The following CNTNAP2 variants were observed in gnomAD, a reference collection of about 807,000 sequenced individuals.
The protein encoded by CNTNAP2 is contactin-associated protein-like 2.
A neutral mutation model predicts 155.2 loss-of-function variants in CNTNAP2; 98 were observed. The ratio of observed to expected loss-of-function variants is 0.63; its 90% CI spans 0.54 to 0.75. CNTNAP2 has a LOEUF of 0.75. Ranked by LOEUF, CNTNAP2 falls within the 30% of genes least tolerant of loss-of-function variation. The probability of loss-of-function intolerance (pLI) is 0.00; values close to 1 mark genes in which losing one functional copy is unlikely to be tolerated. For missense variants in CNTNAP2, 1,727 were observed against 1,688.1 expected, an observed-to-expected ratio of 1.02 and a Z score of -0.40; for synonymous variants, 651 against 631.2, an observed-to-expected ratio of 1.03 and a Z score of -0.47.
intron 10 of CNTNAP2, among the ~76,000 whole-genome samples, chr7:147,463,411 C>T (rs1266935330): frequency 6.6e-6 from 1 of 152,174 alleles, no homozygotes; most frequent in Non-Finnish European, 1.5e-5. Context: ...GTCATTAAAA[C>T]ACATTTATTG....
intron 1 of CNTNAP2, among the ~76,000 whole-genome samples, chr7:146,166,682 A>G (rs190595368): frequency 3.3e-5 from 5 of 152,364 alleles, no homozygotes; most frequent in Admixed American, 3.3e-4. Flanking sequence ...TAAAAAACTT[A>G]CTATGAATAC....
At chr7:146,851,016 G>A (rs922756525) in intron 3 of CNTNAP2, among the ~76,000 whole-genome samples, 6 of 151,856 alleles carry the variant, frequency 4.0e-5, no homozygotes, top group Non-Finnish European at 8.8e-5. Flanking sequence ...ACAGAGTCTC[G>A]CTCTGTCACC....
intron 1 of CNTNAP2, among the ~76,000 whole-genome samples, chr7:146,325,923 C>G (rs1801090625): frequency 6.6e-6 from 1 of 152,132 alleles, no homozygotes; most frequent in South Asian, 2.1e-4. Context: ...CATCTGGCCA[C>G]AAACTGAGCT....
intron 9 of CNTNAP2, among the ~76,000 whole-genome samples, chr7:147,305,284 A>AT (rs371101252): frequency 6.6e-6 from 1 of 152,288 alleles, no homozygotes; most frequent in African/African-American, 2.4e-5. Flanking sequence ...GTAAATATAG[A>AT]TTTTTATCAA....
chr7:148,233,057 G>A (rs553157658), intron 20 of CNTNAP2, among the ~76,000 whole-genome samples: 5 of 152,298 alleles, frequency 3.3e-5, no homozygotes, highest in South Asian at 2.1e-4. Context: ...ACTCACAGTC[G>A]CATCAGGGAG....
intron 2 of CNTNAP2, among the ~76,000 whole-genome samples, chr7:146,824,180 T>G (rs1803353844): frequency 6.6e-6 from 1 of 152,210 alleles, no homozygotes. Flanking sequence ...AGTGATGGTT[T>G]CTGGCTTTAT....
At chr7:147,167,039 A>G (rs1425398119) in intron 8 of CNTNAP2, among the ~76,000 whole-genome samples, 1 of 152,126 alleles carries the variant, frequency 6.6e-6, no homozygotes, top group African/African-American at 2.4e-5. Flanking sequence ...TGTTTTTTTA[A>G]TCTCTTTTCC....
At chr7:146,355,333 G>A (rs372618224) in intron 1 of CNTNAP2, among the ~76,000 whole-genome samples, 9 of 152,298 alleles carry the variant, frequency 5.9e-5, no homozygotes, top group East Asian at 1.9e-4. Context: ...TGTGCTAATA[G>A]TGTCAGATAA....
Position 147,613,397 on chromosome 7 carries a change from C to T in CNTNAP2, c.1898-25709C>T, listed in dbSNP as rs542357550. 5.3e-5 allele frequency among the ~76,000 whole-genome samples: 8 copies of T among 152,268 alleles called. No homozygotes were observed. The South Asian group carries it at 8.3e-4, about 16-fold the overall frequency. On this transcript the variant is annotated intron_variant, in intron 12 of 23. Coordinates refer to ENST00000361727, the MANE Select transcript of CNTNAP2 (RefSeq NM_014141.6). ...TAGCTGGATACTAATATTTGTTAGA[C>T]ATATATCTTACAATTATCTCTTCTA...
chr7:147,733,945 A>G (rs1165128328), intron 13 of CNTNAP2, among the ~76,000 whole-genome samples: 1 of 152,320 alleles, frequency 6.6e-6, no homozygotes, highest in Non-Finnish European at 1.5e-5. Flanking sequence ...TAGATATACA[A>G]TCATTTCATC....
At chr7:148,326,031 ACT>A (rs1797879516) in intron 21 of CNTNAP2, among the ~76,000 whole-genome samples, 1 of 151,390 alleles carries the variant, frequency 6.6e-6, no homozygotes, top group Non-Finnish European at 1.5e-5. Flanking sequence ...CAACCTGGAG[ACT>A]CTCAACCCTT....
At chr7:147,042,522 T>G (rs1374046084) in intron 3 of CNTNAP2, among the ~76,000 whole-genome samples, 1 of 152,172 alleles carries the variant, frequency 6.6e-6, no homozygotes, top group African/African-American at 2.4e-5. Flanking sequence ...GCCAGTGCTT[T>G]CAATTCCGAA....
At chr7:146,261,973 C>T (rs1348614723) in intron 1 of CNTNAP2, among the ~76,000 whole-genome samples, 2 of 152,048 alleles carry the variant, frequency 1.3e-5, no homozygotes, top group Non-Finnish European at 2.9e-5. Context: ...TTTAAATATT[C>T]GACTGCATTG....
intron 8 of CNTNAP2, among the ~76,000 whole-genome samples, chr7:147,189,481 A>G (rs1221180104): frequency 6.6e-6 from 1 of 152,192 alleles, no homozygotes; most frequent in African/African-American, 2.4e-5. Flanking sequence ...CTGAGAAAGT[A>G]TCAGGAAACA....
chr7:148,080,792 A>C (rs964935495), intron 15 of CNTNAP2, among the ~76,000 whole-genome samples: 1 of 152,140 alleles, frequency 6.6e-6, no homozygotes, highest in African/African-American at 2.4e-5. Context: ...CAGGGGGGGA[A>C]ATGTGAGGAA....
At chr7:146,797,111 G>C (rs981277280) in intron 2 of CNTNAP2, among the ~76,000 whole-genome samples, 18 of 152,098 alleles carry the variant, frequency 1.2e-4, no homozygotes, top group African/African-American at 4.3e-4. Context: ...ACTCCAGCCT[G>C]GGCAACAGAG....
At chr7:146,687,127 G>T (rs566702703) in intron 1 of CNTNAP2, among the ~76,000 whole-genome samples, 3 of 152,020 alleles carry the variant, frequency 2.0e-5, no homozygotes, top group Non-Finnish European at 4.4e-5. Context: ...ATTTCTCAAC[G>T]GTTAAATGTC....
intron 1 of CNTNAP2, among the ~76,000 whole-genome samples, chr7:146,451,152 T>G (rs1014875889): frequency 3.9e-5 from 6 of 152,174 alleles, no homozygotes; most frequent in Non-Finnish European, 5.9e-5. Flanking sequence ...TTCACCGTGT[T>G]AGCCATGACG....
At chr7:146,244,303 G>T (rs966236082) in intron 1 of CNTNAP2, among the ~76,000 whole-genome samples, 2 of 152,138 alleles carry the variant, frequency 1.3e-5, no homozygotes, top group East Asian at 1.9e-4. Context: ...GTGTAAACCG[G>T]CAGTGTAAAC....
Sources: allele counts gnomAD v4.1 joint callset (sites outside exome capture counted in the v4.1 genomes callset), GRCh38; gene constraint gnomAD v4.1.1; transcripts MANE v1.5; gene names NCBI Gene and HGNC (gene_info 2026-07-23, HGNC 2026-07-21).